PRDM6: variants seen among roughly 807,000 people sequenced by gnomAD.
PRDM6 encodes PR/SET domain 6.
A neutral mutation model predicts 60.8 loss-of-function variants in PRDM6; 25 were observed. That is an observed-to-expected ratio of 0.41 (90% CI 0.30 to 0.57). PRDM6 has a LOEUF of 0.57. Ranked by LOEUF, PRDM6 falls within the 20% of genes least tolerant of loss-of-function variation. The pLI, the probability that PRDM6 is intolerant of heterozygous loss-of-function variation, is 0.27. For missense variants in PRDM6, 839 were observed against 821.3 expected, an observed-to-expected ratio of 1.02 and a Z score of -0.26; for synonymous variants, 407 against 357.4, an observed-to-expected ratio of 1.14 and a Z score of -1.57.
At chr5:123,165,642 C>G (rs772805573) in intron 5 of PRDM6, among the ~76,000 whole-genome samples, 1 of 152,188 alleles carries the variant, frequency 6.6e-6, no homozygotes, top group Non-Finnish European at 1.5e-5. Context: ...AAAGTCTAGT[C>G]TCCTTCCAAG....
intron 3 of PRDM6, among the ~76,000 whole-genome samples, chr5:123,127,931 C>G (rs1294358478): frequency 6.6e-6 from 1 of 152,020 alleles, no homozygotes; most frequent in Non-Finnish European, 1.5e-5. Flanking sequence ...CCCCGACCCC[C>G]TGACAGACCC....
intron 3 of PRDM6, among the ~76,000 whole-genome samples, chr5:123,128,656 T>C (rs1281321919): frequency 1.3e-5 from 2 of 152,120 alleles, no homozygotes; most frequent in Admixed American, 6.6e-5. Context: ...TTCTTTGTAG[T>C]TTCTGGATAT....
chr5:123,194,058 A>G lies in PRDM6; in HGVS notation c.*6857A>G, dbSNP rs533823455. The G allele has an allele frequency of 6.6e-6, 1 of 152,178 alleles. No individual in the cohort carries two copies. Among genetic ancestry groups the G allele is most frequent in the Non-Finnish European group, 1.5e-5 (1 of 68,040 alleles). 9.4% of individuals were successfully genotyped at this position (152,178 alleles called of 1,614,324 possible). A position where few individuals can be genotyped will look rare whatever the true frequency, so the allele number is the denominator to read the frequency against. ...CCACAGTAAGAATGGGTAAAACTTA[A>G]TAAAGTTTTCTAACTTTATTAAACT... On this transcript the variant is annotated 3_prime_UTR_variant, in exon 8 of 8. Coordinates refer to ENST00000407847, the MANE Select transcript of PRDM6 (RefSeq NM_001136239.4).
intron 5 of PRDM6, among the ~76,000 whole-genome samples, chr5:123,163,510 C>G (rs1026731631): frequency 6.6e-6 from 1 of 152,178 alleles, no homozygotes; most frequent in Non-Finnish European, 1.5e-5. Context: ...GCAGTTCACA[C>G]AGGCATTTGG....
chr5:123,176,270 T>TAAAAAAAAAA (rs780046640), intron 6 of PRDM6, among the ~76,000 whole-genome samples: 5 of 121,342 alleles, frequency 4.1e-5, no homozygotes, highest in African/African-American at 6.3e-5. Flanking sequence ...TCTCAAATGG[T>TAAAAAAAAAA]AAAAAAAAAA....
chr5:123,153,563 C>T (rs1293251897), intron 3 of PRDM6, among the ~76,000 whole-genome samples: 1 of 152,156 alleles, frequency 6.6e-6, no homozygotes, highest in East Asian at 1.9e-4. Context: ...GAAAACCAAA[C>T]CTCATGCCAT....
chr5:123,119,181 C>G (rs1764525625), intron 3 of PRDM6, among the ~76,000 whole-genome samples: 1 of 150,870 alleles, frequency 6.6e-6, no homozygotes, highest in African/African-American at 2.5e-5. Flanking sequence ...AATAAACAAA[C>G]AAGAAAAAAA....
At chr5:123,131,170 G>A (rs1210687259) in intron 3 of PRDM6, among the ~76,000 whole-genome samples, 1 of 152,178 alleles carries the variant, frequency 6.6e-6, no homozygotes, top group African/African-American at 2.4e-5. Context: ...GTGGTTACTA[G>A]AAGCTAGGAA....
chr5:123,106,901 A>C (rs1022659013), intron 3 of PRDM6, among the ~76,000 whole-genome samples: 17 of 152,272 alleles, frequency 1.1e-4, no homozygotes, highest in African/African-American at 4.1e-4. Flanking sequence ...AGATTTCAGC[A>C]ATGATCATTG....
At chr5:123,108,556 A>G (rs335856) in intron 3 of PRDM6, among the ~76,000 whole-genome samples, 123,581 of 152,024 alleles carry the variant, frequency 0.81, 50,538 homozygotes, top group Middle Eastern at 0.91. Context: ...GTTTCTGGGG[A>G]TAAGAGTCCT....
chr5:123,131,070 T>C (rs1764823632), intron 3 of PRDM6, among the ~76,000 whole-genome samples: 2 of 152,342 alleles, frequency 1.3e-5, no homozygotes, highest in Middle Eastern at 3.4e-3. Context: ...TGCTACTTTT[T>C]TCATTATATT....
At chr5:123,116,821 G>C (rs1459278293) in intron 3 of PRDM6, among the ~76,000 whole-genome samples, 1 of 152,066 alleles carries the variant, frequency 6.6e-6, no homozygotes, top group East Asian at 1.9e-4. Flanking sequence ...GAAATAGTAA[G>C]GAAATGCCCA....
rs55650102 is a variant in PRDM6 at position 123,166,274 on chromosome 5, G to C, written c.1154-4492G>C. On this transcript the variant is annotated intron_variant, in intron 5 of 7. Transcript: ENST00000407847. The stretch of plus-strand genomic sequence containing the variant: ...CACAAGACTCTATGGCAAAGCTGCC[G>C]ATATTCCATCTTTTTGCATTGCCTT... Among the ~76,000 whole-genome samples, 1,140 of 152,186 alleles carry C rather than the reference G, an allele frequency of 7.5e-3. 12 individuals carry two copies. Among genetic ancestry groups the C allele is most frequent in the African/African-American group, 0.026 (1,097 of 41,502 alleles).
chr5:123,134,838 G>T (rs2150225005), intron 3 of PRDM6, among the ~76,000 whole-genome samples: 1 of 152,258 alleles, frequency 6.6e-6, no homozygotes, highest in Non-Finnish European at 1.5e-5. Flanking sequence ...GCAGAGATCT[G>T]CAATAGAATG....
In PRDM6 at chr5:123,096,795, G is replaced by A. The variant is rs11952869; in HGVS notation, c.593-2859G>A. Among the ~76,000 whole-genome samples the A allele has an allele frequency of 9.7e-3, 1,480 of 152,222 alleles. 21 individuals are homozygous for A. Among genetic ancestry groups the A allele is most frequent in the African/African-American group, 0.034 (1,415 of 41,542 alleles). Reference sequence around the variant, plus strand: ...ACAAATGAAACAATAAGTTGAAGACGGCTTTAGAGGACTTCTTGGAGAAAG... The same window carrying A: ...ACAAATGAAACAATAAGTTGAAGACAGCTTTAGAGGACTTCTTGGAGAAAG... On this transcript the variant is annotated intron_variant, in intron 2 of 7. Transcript: ENST00000407847.
rs1580468945 is a variant in PRDM6 at position 123,090,250 on chromosome 5, C to A, written c.236C>A (p.Ala79Asp). The A allele has an allele frequency of 6.7e-7, 1 of 1,487,288 alleles. No homozygotes were observed. Among genetic ancestry groups the A allele is most frequent in the African/African-American group, 1.5e-5 (1 of 68,222 alleles). The allele number at this position is 1,487,288 out of a possible 1,614,324, so 92.1% of individuals were successfully genotyped here. A position where few individuals can be genotyped will look rare whatever the true frequency, so the allele number is the denominator to read the frequency against. The change falls in exon 2 of 8, where the codon GCC becomes GAC. Residue 79 changes from alanine (A) to aspartate (D), a missense_variant. Around this residue, in one of 2 missense-constraint regions of PRDM6, gnomAD observed 730 missense variants for 648.8 expected, o/e 1.13. Coordinates refer to ENST00000407847, the MANE Select transcript of PRDM6 (RefSeq NM_001136239.4). ...CCGCGGCCCGCCTCTCTCTCCTCCGCCTCGTCCACGCCGGCTTCCTCTTCC... is the reference window on the plus strand; with the variant it reads ...CCGCGGCCCGCCTCTCTCTCCTCCGACTCGTCCACGCCGGCTTCCTCTTCC... Reference protein sequence around the residue: ...LRPRPASLSSASSTPASSSTS... With the variant: ...LRPRPASLSSDSSTPASSSTS...
At chr5:123,091,195 C>T (rs980737453) in intron 2 of PRDM6, among the ~76,000 whole-genome samples, 1 of 152,066 alleles carries the variant, frequency 6.6e-6, no homozygotes, top group African/African-American at 2.4e-5. Context: ...TCCGTTTCTC[C>T]TTGAAGGCAG....
intron 3 of PRDM6, among the ~76,000 whole-genome samples, chr5:123,122,493 C>T (rs568433791): frequency 2.7e-4 from 41 of 152,260 alleles, no homozygotes; most frequent in African/African-American, 9.6e-4. Context: ...TGATTTATGG[C>T]TTCTTTCTCT....
chr5:123,171,077 C>G lies in PRDM6; in HGVS notation c.1465C>G (p.Gln489Glu), dbSNP rs1765880657. 1 of 1,549,784 alleles carries G rather than the reference C, an allele frequency of 6.5e-7. No homozygotes were observed. Among genetic ancestry groups the G allele is most frequent in the Non-Finnish European group, 8.7e-7 (1 of 1,145,612 alleles). The change falls in exon 6 of 8, where the codon CAG becomes GAG. Residue 489 changes from glutamine (Q) to glutamate (E), a missense_variant. Transcript: ENST00000407847. ...GACTTTCACCCAGCGGATCCTCTTACAGATGCACGTGTGCACGCAGAACCC... is the reference window on the plus strand; with the variant it reads ...GACTTTCACCCAGCGGATCCTCTTAGAGATGCACGTGTGCACGCAGAACCC... ...FKTFTQRILL[Q>E]MHVCTQNPDR... is the part of the protein sequence containing the mutation.
Sources: allele counts gnomAD v4.1 joint callset (sites outside exome capture counted in the v4.1 genomes callset), GRCh38; gene constraint gnomAD v4.1.1; regional missense constraint gnomAD v4.1.1; transcripts MANE v1.5; gene names NCBI Gene and HGNC (gene_info 2026-07-23, HGNC 2026-07-21).